The following NDUFA10 variants were observed in gnomAD, a reference collection of about 807,000 sequenced individuals.
The protein encoded by NDUFA10 is NADH:ubiquinone oxidoreductase subunit A10.
In NDUFA10, 40 loss-of-function variants were observed where a neutral mutation model predicts 47.8. The ratio of observed to expected loss-of-function variants is 0.84; its 90% CI spans 0.65 to 1.09. The LOEUF (loss-of-function observed/expected upper bound fraction) is 1.09. Among genes scored for constraint, NDUFA10 ranks in the 50% least tolerant of loss-of-function variants. The pLI, the probability that NDUFA10 is intolerant of heterozygous loss-of-function variation, is 0.00. For missense variants in NDUFA10, 413 were observed against 451.1 expected, an observed-to-expected ratio of 0.92 and a Z score of 0.76; for synonymous variants, 183 against 172.2, an observed-to-expected ratio of 1.06 and a Z score of -0.49.
rs140317227 is a variant in NDUFA10 at position 239,919,955 on chromosome 2, G to A, written c.295-24641C>T. On this transcript the variant is annotated intron_variant, in intron 4 of 5. Transcript: ENST00000419408. ...AGTCCTTCCCCATCAGGATAGCCACGGTCCAAGGCCTGAAATTAAGGTGCA... is the reference window on the plus strand; with the variant it reads ...AGTCCTTCCCCATCAGGATAGCCACAGTCCAAGGCCTGAAATTAAGGTGCA... Among the ~76,000 whole-genome samples, 20 of 152,336 alleles carry A rather than the reference G, an allele frequency of 1.3e-4. No individual in the cohort carries two copies. The East Asian group carries it at 3.5e-3, about 26-fold the overall frequency.
chr2:240,005,420 C>T, intron 7 of NDUFA10, 125 bp from the exon 8 acceptor site: 1 of 752,310 alleles, frequency 1.3e-6, no homozygotes, highest in Non-Finnish European at 2.3e-6. Flanking sequence ...ACAATCACAG[C>T]ACACTGCAGC....
intron 9 of NDUFA10, among the ~76,000 whole-genome samples, chr2:239,977,389 G>A (rs1047497896): frequency 2.0e-5 from 3 of 152,144 alleles, no homozygotes; most frequent in African/African-American, 7.2e-5. Flanking sequence ...CACTGCTCCT[G>A]TTTCTGGAGT....
chr2:239,898,581 A>AAGGAACGCCTCTCC (rs539664770), intron 4 of NDUFA10, among the ~76,000 whole-genome samples: 2 of 152,244 alleles, frequency 1.3e-5, no homozygotes, highest in African/African-American at 2.4e-5. Context: ...AGGGGCAGGC[A>AAGGAACGCCTCTCC]AGGAACGCCT....
chr2:239,966,590 G>A (rs111771757), intron 9 of NDUFA10, among the ~76,000 whole-genome samples: 17 of 152,238 alleles, frequency 1.1e-4, no homozygotes, highest in African/African-American at 3.6e-4. Context: ...AAACCCACTC[G>A]TGATTTCCCC....
chr2:239,999,362 T>C (rs952640630), intron 8 of NDUFA10, among the ~76,000 whole-genome samples: 1 of 152,190 alleles, frequency 6.6e-6, no homozygotes, highest in Admixed American at 6.5e-5. Context: ...CTACCATTCC[T>C]CCAAGGTGCT....
intron 4 of NDUFA10, among the ~76,000 whole-genome samples, chr2:239,920,384 C>T (rs1222795335): frequency 6.6e-6 from 1 of 152,204 alleles, no homozygotes; most frequent in Non-Finnish European, 1.5e-5. Flanking sequence ...GGGGACTGGG[C>T]ACAGTGCCTG....
At chr2:239,926,204 C>A (rs746159553) in intron 4 of NDUFA10, among the ~76,000 whole-genome samples, 2 of 152,176 alleles carry the variant, frequency 1.3e-5, no homozygotes, top group African/African-American at 4.8e-5. Context: ...ATGTTCATAG[C>A]GGCTTTATTC....
chr2:239,980,899 G>C (rs570925885), intron 9 of NDUFA10, among the ~76,000 whole-genome samples: 2 of 152,308 alleles, frequency 1.3e-5, no homozygotes, highest in African/African-American at 4.8e-5. Flanking sequence ...TGCCAGCAAG[G>C]AGACCCCAGC....
rs909970170 is a variant in NDUFA10 at position 239,945,629 on chromosome 2, C to T, written c.294+44445G>A. 1.3e-5 allele frequency among the ~76,000 whole-genome samples: 2 copies of T among 152,244 alleles called. No homozygotes were observed. Among genetic ancestry groups the T allele is most frequent in the African/African-American group, 4.8e-5 (2 of 41,464 alleles). On this transcript the variant is annotated intron_variant, in intron 4 of 5. Transcript: ENST00000419408. The surrounding 1 kb of genome is among the most constrained non-coding windows in gnomAD (Gnocchi z 4.6). Reference sequence around the variant, plus strand: ...ACACTGGTCCTTCATGAACAGTTTTCTCACGGAATGGATCGATTGGCCCTG... The same window carrying T: ...ACACTGGTCCTTCATGAACAGTTTTTTCACGGAATGGATCGATTGGCCCTG...
intron 8 of NDUFA10, among the ~76,000 whole-genome samples, chr2:239,995,299 A>T (rs1208095590): frequency 1.3e-5 from 2 of 152,064 alleles, no homozygotes; most frequent in Admixed American, 6.6e-5. Context: ...AGTGGAAGGA[A>T]TGGCAGCCAT....
chr2:239,941,553 C>T (rs1337761477), intron 4 of NDUFA10, among the ~76,000 whole-genome samples: 1 of 152,060 alleles, frequency 6.6e-6, no homozygotes, highest in Non-Finnish European at 1.5e-5. Context: ...TGGTAAAACT[C>T]CATCTCTACT....
In NDUFA10 at chr2:239,994,996, C is replaced by T. The variant is rs182929042; in HGVS notation, c.891-4814G>A. On this transcript the variant is annotated intron_variant, in intron 8 of 9. Transcript: ENST00000252711. ...ATAGCTTATAAAAAGTGGAAGAGGC[C>T]GGGTGCGGCGACTCATGTCTGTAAT... 1.8e-3 allele frequency among the ~76,000 whole-genome samples: 272 copies of T among 152,168 alleles called. 4 individuals carry two copies. The highest frequency in any genetic ancestry group is 5.9e-3 in the African/African-American group (245 of 41,518).
At chr2:239,925,158 C>A (rs1262188811) in intron 4 of NDUFA10, among the ~76,000 whole-genome samples, 1 of 151,986 alleles carries the variant, frequency 6.6e-6, no homozygotes, top group Non-Finnish European at 1.5e-5. Context: ...AAAATCCTAG[C>A]AGAAATCTGT....
chr2:240,002,279 G>T (rs886189602), intron 8 of NDUFA10, among the ~76,000 whole-genome samples: 2 of 141,072 alleles, frequency 1.4e-5, no homozygotes, highest in African/African-American at 5.4e-5. Context: ...GCAGTGAGCT[G>T]AGATTGCGCC....
chr2:239,954,346 C>T (rs1178261988), downstream of NDUFA10, among the ~76,000 whole-genome samples: 2 of 152,242 alleles, frequency 1.3e-5, no homozygotes, highest in Non-Finnish European at 2.9e-5. Flanking sequence ...TTCCCCCTGA[C>T]GGTCGGGCTG....
At chr2:239,948,001 A>C (rs1194799956) in intron 4 of NDUFA10, among the ~76,000 whole-genome samples, 1 of 152,212 alleles carries the variant, frequency 6.6e-6, no homozygotes, top group East Asian at 1.9e-4. Context: ...TGGTCTTCCG[A>C]GGCCAAGTTA....
chr2:239,997,584 C>CT (rs1236710627), intron 8 of NDUFA10, among the ~76,000 whole-genome samples: 1 of 152,168 alleles, frequency 6.6e-6, no homozygotes, highest in African/African-American at 2.4e-5. Context: ...TTCATATACT[C>CT]TGACCACTTT....
intron 4 of NDUFA10, among the ~76,000 whole-genome samples, chr2:239,938,953 C>T (rs1468535282): frequency 3.3e-5 from 5 of 152,176 alleles, no homozygotes; most frequent in South Asian, 2.1e-4. Flanking sequence ...AAACATTCCT[C>T]GGCGGAAAGA....
In NDUFA10 at chr2:239,945,360, G is replaced by C. The variant is rs568747252; in HGVS notation, c.294+44714C>G. On this transcript the variant is annotated intron_variant, in intron 4 of 5. Coordinates refer to the NDUFA10 transcript ENST00000419408. This position sits in a 1 kb window ranked among gnomAD's most constrained non-coding sequence, Gnocchi z 4.6. ...CCCAAAGTCACGCTGCTGCTGAGTG[G>C]AGACAGGAAATCAGAGCCTCCTTGC... 3.3e-5 allele frequency among the ~76,000 whole-genome samples: 5 copies of C among 152,322 alleles called. No individual in the cohort carries two copies. Among genetic ancestry groups the C allele is most frequent in the African/African-American group, 1.2e-4 (5 of 41,576 alleles).
Sources: allele counts gnomAD v4.1 joint callset (sites outside exome capture counted in the v4.1 genomes callset), GRCh38; gene constraint gnomAD v4.1.1; non-coding constraint Gnocchi (gnomAD v3.1); transcripts MANE v1.5; gene names NCBI Gene and HGNC (gene_info 2026-07-23, HGNC 2026-07-21).